Variants in FBH1 observed in about 807,000 individuals in gnomAD.
FBH1 encodes the protein F-box DNA helicase 1.
A neutral mutation model predicts 115.5 loss-of-function variants in FBH1; 43 were observed. The observed-to-expected ratio is 0.37, with a 90% confidence interval of 0.29 to 0.48. FBH1 has a LOEUF of 0.48. FBH1 is among the 20% of genes least tolerant of loss of function. The pLI is 0.99. For synonymous variants in FBH1, 524 were observed against 507.8 expected, an observed-to-expected ratio of 1.03 and a Z score of -0.43; for missense variants, 1,001 against 1,337.3, an observed-to-expected ratio of 0.75 and a Z score of 3.92.
chr10:5,928,513 C>G (rs1832787591), intron 19 of FBH1: 1 of 152,224 alleles, frequency 6.6e-6, no homozygotes, highest in Non-Finnish European at 1.5e-5. Flanking sequence ...CTTCCTCCCT[C>G]TCACTCTTTA....
rs375218808 is a variant in FBH1 at position 5,910,281 on chromosome 10, C to CA, written c.1021-644dup. Among the ~76,000 whole-genome samples the CA allele has an allele frequency of 0.016, 2,202 of 134,568 alleles. 34 individuals are homozygous for CA. Among genetic ancestry groups the CA allele is most frequent in the African/African-American group, 0.048 (1,736 of 36,462 alleles). 88.3% of individuals were successfully genotyped at this position (134,568 alleles called of 152,430 possible). On this transcript the variant is annotated intron_variant, in intron 5 of 20. Transcript: ENST00000362091. The surrounding 1 kb of genome is among the most constrained non-coding windows in gnomAD (Gnocchi z 4.8). The stretch of plus-strand genomic sequence containing the variant: ...TGTGTGACAGAGTCAGACTTTGTCT[C>CA]AAAAAAAAAAAAAGATGAAGATCTG...
At chr10:5,922,608 C>T (rs918343622) in intron 15 of FBH1, among the ~76,000 whole-genome samples, 4 of 147,894 alleles carry the variant, frequency 2.7e-5, no homozygotes, top group African/African-American at 7.4e-5. Context: ...CGTGATCACA[C>T]ACCTGGTTGT....
chr10:5,902,030 A>G (rs140370054), intron 1 of FBH1, among the ~76,000 whole-genome samples: 163 of 152,360 alleles, frequency 1.1e-3, no homozygotes, highest in African/African-American at 3.8e-3. Context: ...CAAGTATTTC[A>G]GTACCGTTGA....
chr10:5,895,134 G>A lies in FBH1; in HGVS notation c.1+4788G>A. 6.2e-7 allele frequency: 1 copy of A among 1,614,036 alleles called. No individual in the cohort carries two copies. Among genetic ancestry groups the A allele is most frequent in the Non-Finnish European group, 8.5e-7 (1 of 1,179,962 alleles). On this transcript the variant is annotated intron_variant, in intron 1 of 20. Transcript: ENST00000362091. This position sits in a 1 kb window ranked among gnomAD's most constrained non-coding sequence, Gnocchi z 5.0. Reference sequence around the variant, plus strand: ...GCAGGGCCCCTGGGCCATCTCCACAGGAGATGCCAGAGGACGAGTGCCCAC... The same window carrying A: ...GCAGGGCCCCTGGGCCATCTCCACAAGAGATGCCAGAGGACGAGTGCCCAC...
Position 5,923,610 on chromosome 10 carries a change from A to C in FBH1, c.2323-11A>C. ...CAAAAAAACAAAAATCCCACCAAAA[A>C]ACTTTTTCAGGGGATTAAATCATTT... On this transcript the variant is annotated splice_polypyrimidine_tract_variant and intron_variant, in intron 15 of 20. Transcript: ENST00000362091. The surrounding 1 kb of genome is among the most constrained non-coding windows in gnomAD (Gnocchi z 5.7). 6.2e-7 allele frequency: 1 copy of C among 1,604,804 alleles called. No individual in the cohort carries two copies. Among genetic ancestry groups the C allele is most frequent in the Non-Finnish European group, 8.5e-7 (1 of 1,177,512 alleles).
chr10:5,903,638 A>G (rs990369978), intron 2 of FBH1, among the ~76,000 whole-genome samples: 2 of 152,042 alleles, frequency 1.3e-5, no homozygotes, highest in Non-Finnish European at 2.9e-5. Context: ...CGAGTTTTCC[A>G]TGAAAATTCT....
At chr10:5,928,055 A>G (rs1832754105) in intron 19 of FBH1, among the ~76,000 whole-genome samples, 1 of 138,726 alleles carries the variant, frequency 7.2e-6, no homozygotes, top group Non-Finnish European at 1.5e-5. Flanking sequence ...CCTGGGTGAC[A>G]GAGCGAGACT....
intron 1 of FBH1, among the ~76,000 whole-genome samples, chr10:5,892,536 T>G (rs1443223289): frequency 2.0e-5 from 3 of 152,242 alleles, no homozygotes; most frequent in African/African-American, 7.2e-5. Context: ...ATCTCAAATC[T>G]TATATCTGTA....
intron 3 of FBH1, among the ~76,000 whole-genome samples, chr10:5,907,203 G>GA (rs146529639): frequency 0.21 from 31,506 of 151,916 alleles, 4,255 homozygotes; most frequent in East Asian, 0.48. Flanking sequence ...AACTTCAAGT[G>GA]ATCTGCCTGC....
At chr10:5,893,032 G>A (rs957072631) in intron 1 of FBH1, among the ~76,000 whole-genome samples, 7 of 152,178 alleles carry the variant, frequency 4.6e-5, no homozygotes, top group East Asian at 1.9e-4. Context: ...GAGGCCGGGC[G>A]CGGTGGCTGA....
intron 3 of FBH1, among the ~76,000 whole-genome samples, chr10:5,907,416 G>T (rs959124784): frequency 2.0e-5 from 3 of 149,896 alleles, no homozygotes; most frequent in Non-Finnish European, 3.0e-5. Context: ...ACTTTTCTTT[G>T]TGATTTCTTC....
intron 9 of FBH1, 91 bp from the exon 10 acceptor site, chr10:5,916,143 C>A: frequency 2.6e-6 from 3 of 1,140,478 alleles, no homozygotes; most frequent in Middle Eastern, 2.5e-4. Flanking sequence ...CTTGAAGCTA[C>A]CTCCTGGTGA....
chr10:5,923,373 C>T lies in FBH1; in HGVS notation c.2323-248C>T, dbSNP rs370280339. 5.1e-4 allele frequency among the ~76,000 whole-genome samples: 78 copies of T among 152,280 alleles called. 1 individual carries two copies. In the South Asian group the frequency reaches 0.014, roughly 28 times the overall value. ...AAAGCGTAGGAAGAGTTTGAGGTAG[C>T]AGCTGTAACTTAGAATGTGGTCCCT... On this transcript the variant is annotated intron_variant, in intron 15 of 20. Transcript: ENST00000362091. This position sits in a 1 kb window ranked among gnomAD's most constrained non-coding sequence, Gnocchi z 5.7.
chr10:5,892,683 G>A lies in FBH1; in HGVS notation c.1+2337G>A, dbSNP rs3847416. ...GGACTTTCAGCCTCCCTCTCACTCC[G>A]GGGGAAAAAGTGATTAAAACACAAA... is the stretch of plus-strand genomic sequence containing the variant. On this transcript the variant is annotated intron_variant, in intron 1 of 20. Transcript: ENST00000362091. 8.1e-4 allele frequency among the ~76,000 whole-genome samples: 123 copies of A among 152,254 alleles called. 3 individuals carry two copies. The East Asian group carries it at 0.015, about 18-fold the overall frequency.
Position 5,921,334 on chromosome 10 carries a change from CTT to C in FBH1, c.2179_2180del (p.Leu727GlyfsTer10), listed in dbSNP as rs1169194632. 1 of 1,614,034 alleles carries C rather than the reference CTT, an allele frequency of 6.2e-7. No homozygotes were observed. Among genetic ancestry groups the C allele is most frequent in the Non-Finnish European group, 8.5e-7 (1 of 1,180,042 alleles). On this transcript the variant is annotated frameshift_variant, in exon 14 of 21. Transcript: ENST00000362091. LOFTEE classifies it high-confidence loss of function. The surrounding 1 kb of genome is among the most constrained non-coding windows in gnomAD (Gnocchi z 6.4). ...GTTTGCAAGAGAGTCAGGAAAAAGA[CTT>C]TGGTTGGAGGAAACCATCAGAGTAA...
Position 5,906,187 on chromosome 10 carries a change from T to C in FBH1, c.308T>C (p.Leu103Pro), listed in dbSNP as rs1168460393. 2 of 1,601,678 alleles carry C rather than the reference T, an allele frequency of 1.2e-6. No individual in the cohort carries two copies. ...TTTCCTGCAGAGAGCAGCTGTGCAC[T>C]GCCTCAGGAAGGCAGTGCAGGGCCG... The part of the protein sequence containing the change: ...MIFPAESSCA[L>P]PQEGSAGPGS... Residue 103 changes from leucine (L) to proline (P), a missense_variant, in exon 3 of 21, where the codon CTG (leucine) becomes CCG (proline). Physicochemically the swap from Leu to Pro is moderately conservative, Grantham distance 98. Transcript: ENST00000362091. The surrounding 1 kb of genome is among the most constrained non-coding windows in gnomAD (Gnocchi z 7.3).
rs1831739797 is a variant in FBH1 at position 5,913,531 on chromosome 10, A to G, written c.1212-216A>G. Reference sequence around the variant, plus strand: ...CTGGTCTCTTCCTCCTCTTGGAGATATACATAGAAACTACACCTTTCCCAG... The same window carrying G: ...CTGGTCTCTTCCTCCTCTTGGAGATGTACATAGAAACTACACCTTTCCCAG... On this transcript the variant is annotated intron_variant, in intron 6 of 20. Coordinates refer to ENST00000362091, the MANE Select transcript of FBH1 (RefSeq NM_178150.3). This position sits in a 1 kb window ranked among gnomAD's most constrained non-coding sequence, Gnocchi z 4.4. Among the ~76,000 whole-genome samples, 1 of 152,152 alleles carries G rather than the reference A, an allele frequency of 6.6e-6. No homozygotes were observed. Among genetic ancestry groups the G allele is most frequent in the Non-Finnish European group, 1.5e-5 (1 of 68,034 alleles).
intron 6 of FBH1, among the ~76,000 whole-genome samples, chr10:5,912,796 A>G (rs1366181918): frequency 2.0e-5 from 3 of 152,150 alleles, no homozygotes; most frequent in Non-Finnish European, 4.4e-5. Flanking sequence ...TCCTTATTCC[A>G]CACACCACAT....
intron 1 of FBH1, among the ~76,000 whole-genome samples, chr10:5,896,655 T>G (rs1843021471): frequency 6.6e-6 from 1 of 152,026 alleles, no homozygotes; most frequent in Admixed American, 6.6e-5. Context: ...GGAGACCAAT[T>G]TCAACAACTC....
Sources: gnomAD v4.1 joint callset for allele counts (sites outside exome capture counted in the v4.1 genomes callset) on GRCh38, gnomAD v4.1.1 for gene constraint, Gnocchi (gnomAD v3.1) non-coding constraint, MANE v1.5 for transcripts, NCBI Gene and HGNC (gene_info 2026-07-23, HGNC 2026-07-21) for gene names.